HSD17B6: variants seen among roughly 807,000 people sequenced by gnomAD.
HSD17B6 encodes hydroxysteroid 17-beta dehydrogenase 6.
A neutral mutation model predicts 26.4 loss-of-function variants in HSD17B6; 16 were observed. The observed-to-expected ratio is 0.61, with a 90% CI of 0.41 to 0.92. The LOEUF (loss-of-function observed/expected upper bound fraction) is 0.92. Ranked by LOEUF, HSD17B6 falls within the 40% of genes least tolerant of loss-of-function variation. The pLI, the probability that HSD17B6 is intolerant of heterozygous loss-of-function variation, is 0.00. For synonymous variants in HSD17B6, 139 were observed against 153.0 expected (o/e 0.91, Z 0.68); for missense variants, 357 against 386.1 (o/e 0.92, Z 0.63).
intron 1 of HSD17B6, among the ~76,000 whole-genome samples, chr12:56,764,038 C>A (rs183072630): frequency 1.7e-5 from 2 of 121,164 alleles, no homozygotes; most frequent in African/African-American, 6.4e-5. Context: ...CACTGCACTC[C>A]AGCCTACATG....
chr12:56,780,836 G>A (rs184938993), intron 2 of HSD17B6, among the ~76,000 whole-genome samples: 2,797 of 106,558 alleles, frequency 0.026, 41 homozygotes, highest in Middle Eastern at 0.075. Flanking sequence ...GCGAGACTCC[G>A]TCTCAAAAAA....
intron 2 of HSD17B6, among the ~76,000 whole-genome samples, chr12:56,778,079 A>G (rs1954630975): frequency 6.6e-6 from 1 of 152,176 alleles, no homozygotes; most frequent in Non-Finnish European, 1.5e-5. Context: ...TGCCTGGTAC[A>G]TGTTAAGGGC....
intron 1 of HSD17B6, among the ~76,000 whole-genome samples, chr12:56,767,749 ACG>A (rs1347816194): frequency 2.7e-5 from 4 of 145,652 alleles, no homozygotes; most frequent in Admixed American, 7.0e-5. Context: ...TATTATATAT[ACG>A]TATATATATG....
chr12:56,783,911 C>T (rs1201982872), intron 3 of HSD17B6, among the ~76,000 whole-genome samples: 1 of 151,634 alleles, frequency 6.6e-6, no homozygotes, highest in African/African-American at 2.4e-5. Flanking sequence ...GGGCTCCTCA[C>T]TTCTCAAACG....
chr12:56,782,616 C>A (rs1464611730), intron 3 of HSD17B6, among the ~76,000 whole-genome samples: 4 of 151,808 alleles, frequency 2.6e-5, no homozygotes, highest in Admixed American at 1.3e-4. Flanking sequence ...ACCTCAACTT[C>A]CCTGGTAGCT....
chr12:56,787,048 T>G, intron 4 of HSD17B6, 77 bp from the exon 5 acceptor site: 1 of 1,100,256 alleles, frequency 9.1e-7, no homozygotes, highest in Non-Finnish European at 1.4e-6. Context: ...TTAGATGTGG[T>G]GAGACTTCTG....
At chr12:56,777,432 T>A (rs891770475) in intron 2 of HSD17B6, among the ~76,000 whole-genome samples, 17 of 148,856 alleles carry the variant, frequency 1.1e-4, no homozygotes, top group Non-Finnish European at 2.5e-4. Flanking sequence ...CGGCATGATC[T>A]CCGCTCACTG....
In HSD17B6 at chr12:56,784,923, A is replaced by G; in HGVS notation, c.643A>G (p.Asn215Asp). ...EPGYFRTGMT[N>D]MTQSLERMKQ... ...TGGCTACTTCAGAACGGGAATGACA[A>G]ACATGACACAGTCCTTAGAGCGAAT... The change falls in exon 4 of 5, where the codon AAC (asparagine) becomes GAC (aspartate). Residue 215 changes from asparagine to aspartate, a missense_variant. Physicochemically the swap from Asn to Asp is conservative, Grantham distance 23. Transcript: ENST00000322165. The G allele has an allele frequency of 2.5e-6, 4 of 1,614,146 alleles. No individual in the cohort carries two copies. The highest frequency in any genetic ancestry group is 3.4e-6 in the Non-Finnish European group (4 of 1,180,018).
intron 1 of HSD17B6, among the ~76,000 whole-genome samples, chr12:56,771,273 A>G (rs576014572): frequency 2.3e-4 from 35 of 152,082 alleles, no homozygotes; most frequent in African/African-American, 8.0e-4. Flanking sequence ...TTGTCCTCTG[A>G]GGGTGTTTCC....
At chr12:56,766,980 G>A (rs950248700) in intron 1 of HSD17B6, among the ~76,000 whole-genome samples, 1 of 152,122 alleles carries the variant, frequency 6.6e-6, no homozygotes, top group Non-Finnish European at 1.5e-5. Context: ...GCCATGGCCT[G>A]ACCATGAAAA....
At chr12:56,785,135 C>G in intron 4 of HSD17B6, 119 bp downstream of exon 4, 1 of 1,099,912 alleles carries the variant, frequency 9.1e-7, no homozygotes. Flanking sequence ...AATTGACTCA[C>G]AGTTCTGCAT....
intron 1 of HSD17B6, among the ~76,000 whole-genome samples, chr12:56,773,631 T>C (rs905661544): frequency 6.6e-6 from 1 of 152,226 alleles, no homozygotes; most frequent in Admixed American, 6.5e-5. Flanking sequence ...ACTTCTGTTA[T>C]GGCACCTTTC....
At chr12:56,781,067 A>G (rs1954706795) in intron 2 of HSD17B6, among the ~76,000 whole-genome samples, 1 of 152,114 alleles carries the variant, frequency 6.6e-6, no homozygotes, top group South Asian at 2.1e-4. Flanking sequence ...AAAAAATTAA[A>G]TTTATGTTCA....
chr12:56,765,022 G>A (rs1327447523), intron 1 of HSD17B6, among the ~76,000 whole-genome samples: 7 of 151,908 alleles, frequency 4.6e-5, no homozygotes, highest in South Asian at 4.2e-4. Context: ...ACGAGGTTTC[G>A]CTATGTTGGC....
intron 1 of HSD17B6, among the ~76,000 whole-genome samples, chr12:56,766,427 C>G (rs567565009): frequency 6.6e-6 from 1 of 152,146 alleles, no homozygotes; most frequent in East Asian, 1.9e-4. Flanking sequence ...CCTGAAATGC[C>G]CTGGTTCCCA....
In HSD17B6 at chr12:56,774,117, A is replaced by T. The variant is rs375627750; in HGVS notation, c.265A>T (p.Ser89Cys). 27 of 1,602,994 alleles carry T rather than the reference A, an allele frequency of 1.7e-5. No individual in the cohort carries two copies. Among genetic ancestry groups the T allele is most frequent in the Non-Finnish European group, 2.0e-5 (23 of 1,172,668 alleles). The change falls in exon 2 of 5, where the codon AGC (serine) becomes TGC (cysteine). Residue 89 changes from serine to cysteine, a missense_variant. Ser to Cys is a moderately radical substitution (Grantham distance 112, BLOSUM62 -1). Transcript: ENST00000322165. ...GACCCTGGATGTTACCAAGATGGAG[A>T]GCATCGCTGCAGCTACTCAGTGGGT... ...TVTLDVTKME[S>C]IAAATQWVKE...
At chr12:56,767,418 G>A (rs1004979308) in intron 1 of HSD17B6, among the ~76,000 whole-genome samples, 1 of 151,126 alleles carries the variant, frequency 6.6e-6, no homozygotes, top group African/African-American at 2.4e-5. Context: ...TCGGGAGGCT[G>A]AGGCAGGAGA....
intron 2 of HSD17B6, among the ~76,000 whole-genome samples, chr12:56,780,684 C>T (rs927078020): frequency 2.0e-5 from 3 of 151,634 alleles, no homozygotes; most frequent in African/African-American, 7.3e-5. Flanking sequence ...CGGTGAAACC[C>T]CCGTCTCTAC....
chr12:56,783,330 T>C (rs1323797142), intron 3 of HSD17B6, among the ~76,000 whole-genome samples: 1 of 104,964 alleles, frequency 9.5e-6, no homozygotes. Context: ...GCCCCCCACC[T>C]CCCTCCCGGA....
Sources: gnomAD v4.1 joint callset for allele counts (sites outside exome capture counted in the v4.1 genomes callset) on GRCh38, gnomAD v4.1.1 for gene constraint, MANE v1.5 for transcripts, NCBI Gene and HGNC (gene_info 2026-07-23, HGNC 2026-07-21) for gene names.